The following LYPD6 variants were observed in gnomAD, a reference collection of about 807,000 sequenced individuals.
The protein encoded by LYPD6 is ly6/PLAUR domain-containing protein 6.
In LYPD6, 15 loss-of-function variants were observed where a neutral mutation model predicts 22.7. The observed-to-expected ratio is 0.66, with a 90% CI of 0.44 to 1.02. LYPD6 has a LOEUF of 1.02. Ranked by LOEUF, LYPD6 falls within the 50% of genes least tolerant of loss-of-function variation. The pLI is 0.00. For missense variants in LYPD6, 189 were observed against 208.4 expected (o/e 0.91, Z 0.57); for synonymous variants, 72 against 77.5 (o/e 0.93, Z 0.37).
intron 1 of LYPD6, among the ~76,000 whole-genome samples, chr2:149,342,255 C>T (rs1681177639): frequency 6.6e-6 from 1 of 152,138 alleles, no homozygotes. Context: ...TAGGCCCCAC[C>T]TTCAACACTT....
At chr2:149,474,840 C>G (rs1323217674), downstream of LYPD6, among the ~76,000 whole-genome samples, 1 of 152,142 alleles carries the variant, frequency 6.6e-6, no homozygotes, top group Non-Finnish European at 1.5e-5. Context: ...TGATCTCACA[C>G]TTACTGCAAC....
intron 1 of LYPD6, among the ~76,000 whole-genome samples, chr2:149,415,929 A>T (rs747412524): frequency 6.6e-6 from 1 of 152,024 alleles, no homozygotes; most frequent in Non-Finnish European, 1.5e-5. Context: ...CCATCTGCCC[A>T]CCTTGGTCTC....
intron 1 of LYPD6, among the ~76,000 whole-genome samples, chr2:149,356,981 C>T (rs1348321269): frequency 6.6e-6 from 1 of 152,168 alleles, no homozygotes; most frequent in African/African-American, 2.4e-5. Context: ...TTTTAACATG[C>T]AACTCTTCAA....
At chr2:149,442,915 G>A (rs1194467579) in intron 2 of LYPD6, among the ~76,000 whole-genome samples, 2 of 152,140 alleles carry the variant, frequency 1.3e-5, no homozygotes, top group Non-Finnish European at 2.9e-5. Flanking sequence ...TAGCCATTGA[G>A]AATGTGCACA....
At chr2:149,464,957 T>C (rs1034026283) in intron 3 of LYPD6, among the ~76,000 whole-genome samples, 1 of 151,626 alleles carries the variant, frequency 6.6e-6, no homozygotes, top group Admixed American at 6.6e-5. Context: ...GGGAGGGAGA[T>C]AATGCGTTGG....
intron 1 of LYPD6, among the ~76,000 whole-genome samples, chr2:149,372,906 C>G (rs1007996756): frequency 6.6e-6 from 1 of 152,114 alleles, no homozygotes; most frequent in African/African-American, 2.4e-5. Context: ...GGGGTTGATC[C>G]CATCATTCCC....
chr2:149,454,669 T>G (rs1318017584), intron 3 of LYPD6, among the ~76,000 whole-genome samples: 1 of 152,134 alleles, frequency 6.6e-6, no homozygotes, highest in Non-Finnish European at 1.5e-5. Context: ...CCTGACCGTT[T>G]GCAAAATGAT....
chr2:149,359,593 C>T (rs181852675), intron 1 of LYPD6, among the ~76,000 whole-genome samples: 82 of 152,302 alleles, frequency 5.4e-4, no homozygotes, highest in Admixed American at 1.4e-3. Flanking sequence ...ACTTGAGTGA[C>T]TTGACATCAC....
intron 2 of LYPD6, among the ~76,000 whole-genome samples, chr2:149,447,424 G>T (rs1237786050): frequency 6.6e-6 from 1 of 152,188 alleles, no homozygotes; most frequent in African/African-American, 2.4e-5. Context: ...TTCCTGGAAT[G>T]GCCTAGTCCT....
chr2:149,425,908 G>A (rs1040928141), intron 1 of LYPD6, among the ~76,000 whole-genome samples: 5 of 152,188 alleles, frequency 3.3e-5, no homozygotes, highest in East Asian at 1.9e-4. Context: ...ATAAAACTGC[G>A]ATGGTCTTTG....
intron 1 of LYPD6, among the ~76,000 whole-genome samples, chr2:149,386,651 C>T (rs1484482514): frequency 6.6e-6 from 1 of 152,150 alleles, no homozygotes; most frequent in Non-Finnish European, 1.5e-5. Context: ...AAAGACTATT[C>T]AGAAAATAGA....
At chr2:149,396,728 T>C (rs936424710) in intron 1 of LYPD6, among the ~76,000 whole-genome samples, 1 of 152,230 alleles carries the variant, frequency 6.6e-6, no homozygotes, top group Non-Finnish European at 1.5e-5. Flanking sequence ...GAGAATGTTA[T>C]TTAACTTATC....
chr2:149,366,266 C>T (rs1013479960), intron 1 of LYPD6, among the ~76,000 whole-genome samples: 8 of 152,094 alleles, frequency 5.3e-5, no homozygotes, highest in Non-Finnish European at 1.0e-4. Context: ...ATTCATTAGT[C>T]TCTGATTTGT....
chr2:149,380,828 G>A (rs1206588540), intron 1 of LYPD6, among the ~76,000 whole-genome samples: 1 of 152,170 alleles, frequency 6.6e-6, no homozygotes, highest in Non-Finnish European at 1.5e-5. Flanking sequence ...AGGGTTTAAG[G>A]ACTGACCTTT....
In LYPD6 at chr2:149,461,100, G is replaced by T. The variant is rs1028825254; in HGVS notation, c.218-7545G>T. ...AAAAACAAACCAAAAGTCAAACAAA[G>T]CAAGACTAAGCAAAAATCAGGAAAT... On this transcript the variant is annotated intron_variant, in intron 3 of 4. Coordinates refer to ENST00000334166, the MANE Select transcript of LYPD6 (RefSeq NM_194317.5). Among the ~76,000 whole-genome samples, 3 of 151,728 alleles carry T rather than the reference G, an allele frequency of 2.0e-5. No individual in the cohort carries two copies. In the South Asian group the frequency reaches 6.2e-4, roughly 31 times the overall value.
At chr2:149,404,284 C>G (rs965982649) in intron 1 of LYPD6, among the ~76,000 whole-genome samples, 2 of 152,168 alleles carry the variant, frequency 1.3e-5, no homozygotes, top group African/African-American at 2.4e-5. Context: ...TCATTGTTAG[C>G]TTGATGGGGA....
At chr2:149,434,933 CA>C (rs1322491180) in intron 1 of LYPD6, among the ~76,000 whole-genome samples, 1 of 152,200 alleles carries the variant, frequency 6.6e-6, no homozygotes, top group Non-Finnish European at 1.5e-5. Context: ...ACAACAACAA[CA>C]GAAAACATGC....
chr2:149,468,743 G>A lies in LYPD6; in HGVS notation c.316G>A (p.Gly106Ser), dbSNP rs1342995299. 3 of 1,613,530 alleles carry A rather than the reference G, an allele frequency of 1.9e-6. No homozygotes were observed. In the African/African-American group the frequency reaches 4.0e-5, roughly 22 times the overall value. The part of the protein sequence containing the change: ...CVPLEECLST[G>S]CRDSEHEGHK... ...CCCACTGGAAGAGTGCTTATCCACT[G>A]GCTGCAGAGACTCCGAGCATGAAGG... Residue 106 changes from glycine (G) to serine (S), a missense_variant, in exon 4 of 5, where the codon GGC becomes AGC. Physicochemically the swap from Gly to Ser is moderately conservative, Grantham distance 56. Transcript: ENST00000334166.
rs571110138 is a variant in LYPD6 at position 149,331,865 on chromosome 2, G to C, written c.-72+1143G>C. 2.6e-5 allele frequency among the ~76,000 whole-genome samples: 4 copies of C among 152,324 alleles called. No individual in the cohort carries two copies. The South Asian group carries it at 8.3e-4, about 32-fold the overall frequency. ...ATTGACTTGCGGTGACATACACACTGTTCTGCTCTGCTCTGGCCAGCCATT... is the reference window on the plus strand; with the variant it reads ...ATTGACTTGCGGTGACATACACACTCTTCTGCTCTGCTCTGGCCAGCCATT... On this transcript the variant is annotated intron_variant, in intron 1 of 4. Coordinates refer to ENST00000334166, the MANE Select transcript of LYPD6 (RefSeq NM_194317.5).
Sources: allele counts gnomAD v4.1 joint callset (sites outside exome capture counted in the v4.1 genomes callset), GRCh38; gene constraint gnomAD v4.1.1; transcripts MANE v1.5; gene names NCBI Gene and HGNC (gene_info 2026-07-23, HGNC 2026-07-21).